Variants in MED12L observed in about 807,000 individuals in gnomAD.
MED12L encodes the protein mediator of RNA polymerase II transcription subunit 12-like protein.
MED12L carries 60 observed loss-of-function variants against 281.3 expected under a neutral mutation model. The ratio of observed to expected loss-of-function variants is 0.21; its 90% CI spans 0.17 to 0.26. The LOEUF (loss-of-function observed/expected upper bound fraction) is 0.26, where lower values mean the gene tolerates loss of function less well. Among genes scored for constraint, MED12L ranks in the 10% least tolerant of loss-of-function variants. The pLI is 1.00. For synonymous variants in MED12L, 974 were observed against 987.2 expected (o/e 0.99, Z 0.25); for missense variants, 2,146 against 2,680.9 (o/e 0.80, Z 4.41).
chr3:151,300,069 G>C, intron 16 of MED12L: 1 of 1,594,594 alleles, frequency 6.3e-7, no homozygotes, highest in Non-Finnish European at 8.6e-7. Context: ...CGGCTTACTT[G>C]GTAATTTTGC....
In MED12L at chr3:151,181,576, C is replaced by CTTTTTT. The variant is rs57658133; in HGVS notation, c.1495-3732_1495-3727dup. 1.5e-3 allele frequency among the ~76,000 whole-genome samples: 72 copies of CTTTTTT among 47,096 alleles called. 4 individuals carry two copies. The highest frequency in any genetic ancestry group is 4.2e-3 in the African/African-American group (59 of 14,072). 30.9% of individuals were successfully genotyped at this position (47,096 alleles called of 152,430 possible). A position where few individuals can be genotyped will look rare whatever the true frequency, so the allele number is the denominator to read the frequency against. ...CATGCCACTGTACTTAGCTCATTGT[C>CTTTTTT]TTTTTTTTTTTTTTTTTTTTTTTTT... is the stretch of plus-strand genomic sequence containing the variant. On this transcript the variant is annotated intron_variant, in intron 11 of 44. Transcript: ENST00000687756.
At chr3:151,429,934 G>C (rs1447610398) in intron 43 of MED12L, among the ~76,000 whole-genome samples, 3 of 152,146 alleles carry the variant, frequency 2.0e-5, no homozygotes, top group Non-Finnish European at 4.4e-5. Context: ...CTTCCAACCA[G>C]AGAGCTTTCA....
intron 39 of MED12L, among the ~76,000 whole-genome samples, chr3:151,400,085 CT>C (rs1271863124): frequency 6.6e-6 from 1 of 152,120 alleles, no homozygotes; most frequent in Non-Finnish European, 1.5e-5. Context: ...TCTCGACCTC[CT>C]ATAGTGCTGG....
chr3:151,223,866 C>T (rs959157550), intron 16 of MED12L, among the ~76,000 whole-genome samples: 8 of 152,190 alleles, frequency 5.3e-5, no homozygotes, highest in Admixed American at 4.6e-4. Context: ...ACATTGCCTA[C>T]TCCTGGGGAG....
At chr3:151,162,519 T>C (rs1720131192) in intron 8 of MED12L, among the ~76,000 whole-genome samples, 1 of 152,078 alleles carries the variant, frequency 6.6e-6, no homozygotes. Flanking sequence ...TGGGCTCAAG[T>C]GATCCTCCTG....
At chr3:151,333,129 C>G (rs1176548735) in intron 16 of MED12L, among the ~76,000 whole-genome samples, 1 of 152,186 alleles carries the variant, frequency 6.6e-6, no homozygotes, top group Non-Finnish European at 1.5e-5. Context: ...ACCACATTTT[C>G]TTTATCCAGT....
At chr3:151,348,265 G>A (rs763676678) in intron 16 of MED12L, among the ~76,000 whole-genome samples, 4 of 144,904 alleles carry the variant, frequency 2.8e-5, no homozygotes, top group Non-Finnish European at 5.9e-5. Flanking sequence ...GACTGGCACT[G>A]CCTTCATTTT....
At chr3:151,088,998 C>T (rs367566051) in intron 2 of MED12L, among the ~76,000 whole-genome samples, 8 of 152,240 alleles carry the variant, frequency 5.3e-5, no homozygotes, top group African/African-American at 1.9e-4. Flanking sequence ...CTTGGCTGTT[C>T]TTGGGTGGTT....
chr3:151,282,565 A>G (rs1346148839), intron 16 of MED12L, among the ~76,000 whole-genome samples: 1 of 152,180 alleles, frequency 6.6e-6, no homozygotes, highest in Non-Finnish European at 1.5e-5. Flanking sequence ...AAGGAAGCAT[A>G]TTTGGAAATT....
intron 43 of MED12L, among the ~76,000 whole-genome samples, chr3:151,425,985 C>T (rs1367462860): frequency 6.6e-6 from 1 of 152,168 alleles, no homozygotes; most frequent in Non-Finnish European, 1.5e-5. Context: ...AGATCATCTT[C>T]TGTATGGATA....
chr3:151,209,329 A>C (rs569518314), intron 16 of MED12L, among the ~76,000 whole-genome samples: 17 of 152,218 alleles, frequency 1.1e-4, no homozygotes, highest in Non-Finnish European at 1.9e-4. Context: ...TATTTATCAC[A>C]TACGTTTACT....
intron 10 of MED12L, 103 bp downstream of exon 10, chr3:151,165,622 A>G: frequency 1.9e-6 from 2 of 1,044,414 alleles, no homozygotes; most frequent in Non-Finnish European, 1.4e-6. Flanking sequence ...GCTTTTTGAC[A>G]GAGCCACTTG....
intron 16 of MED12L, among the ~76,000 whole-genome samples, chr3:151,288,108 C>T (rs746031770): frequency 5.9e-5 from 9 of 152,174 alleles, no homozygotes; most frequent in Non-Finnish European, 1.2e-4. Context: ...AATCAGGGTT[C>T]TCAATGTAGG....
chr3:151,237,426 T>G (rs571495573), intron 16 of MED12L, among the ~76,000 whole-genome samples: 2 of 136,056 alleles, frequency 1.5e-5, no homozygotes, highest in African/African-American at 5.4e-5. Context: ...CTTGGCTCAC[T>G]GCAACCTCCA....
chr3:151,341,725 C>A (rs1394896937), intron 16 of MED12L, among the ~76,000 whole-genome samples: 1 of 151,738 alleles, frequency 6.6e-6, no homozygotes, highest in Non-Finnish European at 1.5e-5. Flanking sequence ...TATCCCTCCC[C>A]CATCCCCCCA....
At chr3:151,212,392 T>A (rs1384708100) in intron 16 of MED12L, 1 of 152,182 alleles carries the variant, frequency 6.6e-6, no homozygotes, top group Non-Finnish European at 1.5e-5. Context: ...ATTTTAGATT[T>A]AAAAAAATCA....
At chr3:151,267,360 A>G (rs888790284) in intron 16 of MED12L, among the ~76,000 whole-genome samples, 5 of 152,230 alleles carry the variant, frequency 3.3e-5, no homozygotes, top group Non-Finnish European at 4.4e-5. Flanking sequence ...TAATGTAATC[A>G]AATTTAAGTA....
At chr3:151,419,441 G>A (rs1717994369) in intron 43 of MED12L, among the ~76,000 whole-genome samples, 1 of 152,170 alleles carries the variant, frequency 6.6e-6, no homozygotes. Context: ...TCCTGTTCAT[G>A]TTTTTCTGCC....
intron 16 of MED12L, among the ~76,000 whole-genome samples, chr3:151,230,368 A>G (rs572883631): frequency 4.6e-5 from 7 of 152,382 alleles, no homozygotes; most frequent in Middle Eastern, 3.4e-3. Context: ...AGTCAAGTAC[A>G]GTGTAAGAAA....
Sources: allele counts gnomAD v4.1 joint callset (sites outside exome capture counted in the v4.1 genomes callset), GRCh38; gene constraint gnomAD v4.1.1; transcripts MANE v1.5; gene names NCBI Gene and HGNC (gene_info 2026-07-23, HGNC 2026-07-21).